Variants in CCDC198 observed in about 807,000 individuals in gnomAD.
CCDC198 encodes coiled-coil domain containing 198.
In CCDC198, 18 loss-of-function variants were observed where a neutral mutation model predicts 35.6. That is an observed-to-expected ratio of 0.51 (90% confidence interval 0.35 to 0.75). The LOEUF is 0.75. Among genes scored for constraint, CCDC198 ranks in the 30% least tolerant of loss-of-function variants. The pLI is 0.01. For synonymous variants in CCDC198, 119 were observed against 113.4 expected, an observed-to-expected ratio of 1.05 and a Z score of -0.31; for missense variants, 365 against 343.7, an observed-to-expected ratio of 1.06 and a Z score of -0.49.
At chr14:57,480,782 A>T (rs200543713) in intron 4 of CCDC198, 28 bp from the exon 5 acceptor site, 1 of 1,611,466 alleles carries the variant, frequency 6.2e-7, no homozygotes, top group African/African-American at 1.3e-5. Context: ...TAAATGATCA[A>T]TGTTCTTCCC....
chr14:57,489,538 A>G (rs2067489816), intron 2 of CCDC198, among the ~76,000 whole-genome samples: 1 of 152,166 alleles, frequency 6.6e-6, no homozygotes, highest in Non-Finnish European at 1.5e-5. Flanking sequence ...AGTTGAAGAA[A>G]AAAAAGGCAC....
At chr14:57,482,996 C>T in intron 3 of CCDC198, 69 bp downstream of exon 3, 1 of 1,606,926 alleles carries the variant, frequency 6.2e-7, no homozygotes, top group Non-Finnish European at 8.5e-7. Flanking sequence ...GACCAGTGTG[C>T]TCCAGTGCCC....
At chr14:57,475,788 CTTTTTTTTTTTTTT>C (rs548486752) in intron 5 of CCDC198, 33 of 108,794 alleles carry the variant, frequency 3.0e-4, no homozygotes, top group South Asian at 5.7e-4. Context: ...CACTTAGCTT[CTTTTTTTTTTTTTT>C]TTTTTTTTTT....
At chr14:57,492,471 C>G (rs183921540) in intron 1 of CCDC198, among the ~76,000 whole-genome samples, 107 of 152,144 alleles carry the variant, frequency 7.0e-4, no homozygotes, top group Admixed American at 1.3e-3. Context: ...AGTACACATT[C>G]ACGCTCCATT....
chr14:57,475,788 C>CTTTTTTTTTTTTTTTTT (rs548486752), intron 5 of CCDC198: 2 of 104,366 alleles, frequency 1.9e-5, no homozygotes, highest in Non-Finnish European at 3.4e-5. Context: ...CACTTAGCTT[C>CTTTTTTTTTTTTTTTTT]TTTTTTTTTT....
At chr14:57,475,163 A>C (rs2066936528) in intron 5 of CCDC198, among the ~76,000 whole-genome samples, 1 of 151,782 alleles carries the variant, frequency 6.6e-6, no homozygotes, top group Non-Finnish European at 1.5e-5. Flanking sequence ...CGGGAGGCTG[A>C]GGCAGGAGAG....
intron 2 of CCDC198, 24 bp downstream of exon 2, chr14:57,490,965 T>C (rs745734538): frequency 6.6e-7 from 1 of 1,519,952 alleles, no homozygotes; most frequent in South Asian, 1.1e-5. Context: ...AAATTCCTTA[T>C]GAAGCCTTTT....
In CCDC198 at chr14:57,480,674, T is replaced by G. The variant is rs1465779937; in HGVS notation, c.576A>C (p.Lys192Asn). The G allele has an allele frequency of 3.7e-6, 6 of 1,614,200 alleles. No individual in the cohort carries two copies. Among genetic ancestry groups the G allele is most frequent in the Non-Finnish European group, 4.2e-6 (5 of 1,180,014 alleles). ...KQSPRDHKAKKTLQSTPRNDD... is the reference protein window; with the variant it reads ...KQSPRDHKAKNTLQSTPRNDD... ...CATTCCTTGGGGTGCTTTGAAGGGT[T>G]TTCTTGGCTTTATGGTCCCTTGGAC... The change falls in exon 5 of 6, where the codon AAA becomes AAC. Residue 192 changes from lysine (K) to asparagine (N), a missense_variant. Transcript: ENST00000216445.
At chr14:57,478,205 T>C (rs1016190595) in intron 5 of CCDC198, among the ~76,000 whole-genome samples, 2 of 152,180 alleles carry the variant, frequency 1.3e-5, no homozygotes, top group Admixed American at 6.5e-5. Context: ...TGCAGCCTTC[T>C]TTGTAAATAA....
At chr14:57,482,157 T>G (rs1323104372) in intron 3 of CCDC198, among the ~76,000 whole-genome samples, 1 of 152,118 alleles carries the variant, frequency 6.6e-6, no homozygotes, top group Admixed American at 6.6e-5. Flanking sequence ...TATTGCAGTT[T>G]AGGGAGGATT....
intron 5 of CCDC198, among the ~76,000 whole-genome samples, chr14:57,473,329 C>A (rs959957274): frequency 1.3e-5 from 2 of 152,216 alleles, no homozygotes; most frequent in African/African-American, 4.8e-5. Context: ...AACTGGACAC[C>A]TCCACTTTGA....
intron 2 of CCDC198, among the ~76,000 whole-genome samples, chr14:57,488,238 C>T (rs1365412813): frequency 6.6e-6 from 1 of 152,134 alleles, no homozygotes; most frequent in Non-Finnish European, 1.5e-5. Context: ...ATTGAGAGAG[C>T]TCTGCATTTC....
At chr14:57,480,225 G>A (rs1302908602) in intron 5 of CCDC198, 5 of 980,456 alleles carry the variant, frequency 5.1e-6, no homozygotes, top group African/African-American at 1.8e-5. Flanking sequence ...TACCAACTCT[G>A]CTGAAGCAAA....
At chr14:57,492,964 G>T (rs930829420) in intron 1 of CCDC198, among the ~76,000 whole-genome samples, 6 of 151,992 alleles carry the variant, frequency 3.9e-5, no homozygotes, top group African/African-American at 1.4e-4. Flanking sequence ...AAGAATGTGG[G>T]GTTGGGAAAA....
chr14:57,478,584 G>C, intron 5 of CCDC198: 1 of 987,152 alleles, frequency 1.0e-6, no homozygotes, highest in Non-Finnish European at 1.2e-6. Flanking sequence ...CAGGGACTTT[G>C]CCAATGCTGG....
At chr14:57,490,905 C>T (rs1406287692) in intron 2 of CCDC198, 84 bp downstream of exon 2, 2 of 1,247,662 alleles carry the variant, frequency 1.6e-6, no homozygotes, top group Admixed American at 2.0e-5. Context: ...TTATCAATAT[C>T]CCTCTTTGAT....
chr14:57,484,362 G>A (rs72722873), intron 2 of CCDC198, among the ~76,000 whole-genome samples: 4,371 of 152,248 alleles, frequency 0.029, 89 homozygotes, highest in South Asian at 0.061. Context: ...TGGGGCGATG[G>A]TTCTTCAAGC....
chr14:57,472,001 G>A (rs1345823354), intron 5 of CCDC198, among the ~76,000 whole-genome samples: 1 of 151,400 alleles, frequency 6.6e-6, no homozygotes, highest in Non-Finnish European at 1.5e-5. Flanking sequence ...TAAGACCAAG[G>A]GCATTTTCTC....
intron 5 of CCDC198, among the ~76,000 whole-genome samples, chr14:57,474,762 G>C (rs1209008245): frequency 6.6e-6 from 1 of 152,178 alleles, no homozygotes; most frequent in East Asian, 1.9e-4. Context: ...CGGGTGAGCA[G>C]AGTAAAGGAA....
Sources: gnomAD v4.1 joint callset for allele counts (sites outside exome capture counted in the v4.1 genomes callset) on GRCh38, gnomAD v4.1.1 for gene constraint, MANE v1.5 for transcripts, NCBI Gene and HGNC (gene_info 2026-07-23, HGNC 2026-07-21) for gene names.